Variants in ANGPT2 observed in about 807,000 individuals in gnomAD.
ANGPT2 encodes angiopoietin-2.
ANGPT2 carries 28 observed loss-of-function variants against 62.9 expected under a neutral mutation model. The ratio of observed to expected loss-of-function variants is 0.44; its 90% confidence interval spans 0.33 to 0.61. ANGPT2 has a LOEUF of 0.61. Among genes scored for constraint, ANGPT2 ranks in the 20% least tolerant of loss-of-function variants. ANGPT2 has a pLI of 0.03. For missense variants in ANGPT2, 727 were observed against 594.9 expected, an observed-to-expected ratio of 1.22 and a Z score of -2.31; for synonymous variants, 284 against 207.8, an observed-to-expected ratio of 1.37 and a Z score of -3.15.
chr8:6,556,610 T>C (rs1008979637), intron 1 of ANGPT2, among the ~76,000 whole-genome samples: 8 of 144,736 alleles, frequency 5.5e-5, no homozygotes, highest in African/African-American at 2.3e-4. Flanking sequence ...TTGGGAATTG[T>C]CTTTTTTTAT....
chr8:6,556,964 A>G (rs1285065079), intron 1 of ANGPT2, among the ~76,000 whole-genome samples: 1 of 152,184 alleles, frequency 6.6e-6, no homozygotes, highest in Non-Finnish European at 1.5e-5. Flanking sequence ...AAGGCACTCG[A>G]TAAATATTTT....
chr8:6,510,126 G>A (rs578229304), intron 7 of ANGPT2, among the ~76,000 whole-genome samples: 7 of 151,900 alleles, frequency 4.6e-5, no homozygotes, highest in African/African-American at 1.2e-4. Context: ...TATAAGGGAA[G>A]GGAGAAGACA....
intron 1 of ANGPT2, among the ~76,000 whole-genome samples, chr8:6,556,132 C>G (rs1824572028): frequency 6.6e-6 from 1 of 152,098 alleles, no homozygotes; most frequent in Non-Finnish European, 1.5e-5. Flanking sequence ...AGTGACTTAA[C>G]TTCTCAGGCT....
chr8:6,529,983 A>G lies in ANGPT2; in HGVS notation c.445-2307T>C, dbSNP rs115098540. Among the ~76,000 whole-genome samples the G allele has an allele frequency of 7.8e-3, 1,180 of 152,080 alleles. 13 individuals are homozygous for G. Among genetic ancestry groups the G allele is most frequent in the African/African-American group, 0.027 (1,117 of 41,504 alleles). On this transcript the variant is annotated intron_variant, in intron 2 of 8. Coordinates refer to ENST00000629816, the MANE Select transcript of ANGPT2 (RefSeq NM_001118887.2). Reference sequence around the variant, plus strand: ...AAGGTTTGCATTGCTGCTCTGTCCTAACACTTTTTCATTACTATTATTATT... The same window carrying G: ...AAGGTTTGCATTGCTGCTCTGTCCTGACACTTTTTCATTACTATTATTATT...
In ANGPT2 at chr8:6,521,349, T is replaced by C; in HGVS notation, c.628A>G (p.Lys210Glu). The change falls in exon 4 of 9, where the codon AAA becomes GAA. Residue 210 changes from lysine to glutamate, a missense_variant. Physicochemically the swap from Lys to Glu is moderately conservative, Grantham distance 56 (BLOSUM62 1). Transcript: ENST00000629816. ...ACCTGTAGCTGATCTTTCTCTTCTTTTATTGACTGTAGTTGGATGATGTGC... is the reference window on the plus strand; with the variant it reads ...ACCTGTAGCTGATCTTTCTCTTCTTCTATTGACTGTAGTTGGATGATGTGC... ...DKHIIQLQSI[K>E]EEKDQLQVLV... 6.2e-7 allele frequency: 1 copy of C among 1,613,830 alleles called. No homozygotes were observed. The highest frequency in any genetic ancestry group is 8.5e-7 in the Non-Finnish European group (1 of 1,179,954).
intron 2 of ANGPT2, among the ~76,000 whole-genome samples, chr8:6,529,205 G>A (rs1312598568): frequency 6.6e-6 from 1 of 152,170 alleles, no homozygotes; most frequent in Non-Finnish European, 1.5e-5. Flanking sequence ...GCAGGGGACT[G>A]TAAATTACCC....
intron 5 of ANGPT2, among the ~76,000 whole-genome samples, chr8:6,517,762 T>C (rs926010009): frequency 6.6e-6 from 1 of 152,172 alleles, no homozygotes; most frequent in African/African-American, 2.4e-5. Context: ...AAAGGTTAAA[T>C]GACTCGCCCA....
intron 1 of ANGPT2, among the ~76,000 whole-genome samples, chr8:6,560,851 G>A (rs969286854): frequency 6.6e-6 from 1 of 152,238 alleles, no homozygotes. Flanking sequence ...TATACCTAAT[G>A]TAAGTTAATT....
At chr8:6,549,567 A>C (rs1457365634) in intron 1 of ANGPT2, among the ~76,000 whole-genome samples, 1 of 151,620 alleles carries the variant, frequency 6.6e-6, no homozygotes, top group Non-Finnish European at 1.5e-5. Flanking sequence ...GGCGTGAGGG[A>C]GCCGCGTGCA....
intron 1 of ANGPT2, 125 bp downstream of exon 1, chr8:6,562,522 T>C: frequency 1.2e-6 from 1 of 826,646 alleles, no homozygotes; most frequent in Non-Finnish European, 1.7e-6. Flanking sequence ...AGCAACCCGC[T>C]CTCCAGCTCT....
At chr8:6,523,790 T>G (rs1817817020) in intron 3 of ANGPT2, among the ~76,000 whole-genome samples, 1 of 152,166 alleles carries the variant, frequency 6.6e-6, no homozygotes, top group Non-Finnish European at 1.5e-5. Context: ...GGTTTCATTA[T>G]GTTGTCCAGG....
intron 1 of ANGPT2, among the ~76,000 whole-genome samples, chr8:6,559,230 AACACAC>A (rs59299448): frequency 0.1 from 15,284 of 146,768 alleles, 2,287 homozygotes; most frequent in African/African-American, 0.34. Context: ...CACACACGAC[AACACAC>A]ACACACACAC....
chr8:6,562,599 G>A (rs953063385), intron 1 of ANGPT2, 48 bp downstream of exon 1: 1 of 575,224 alleles, frequency 1.7e-6, no homozygotes. Flanking sequence ...CTGCTGCCAA[G>A]CTGATCTTAA....
intron 1 of ANGPT2, among the ~76,000 whole-genome samples, chr8:6,559,834 A>C (rs1290569292): frequency 6.6e-6 from 1 of 151,748 alleles, no homozygotes; most frequent in Non-Finnish European, 1.5e-5. Context: ...GGTCCACTGC[A>C]GTGTGTTTTG....
chr8:6,509,774 T>C (rs550543113), intron 7 of ANGPT2, among the ~76,000 whole-genome samples: 10 of 152,334 alleles, frequency 6.6e-5, no homozygotes, highest in Admixed American at 1.3e-4. Context: ...CATCATAGCT[T>C]AGCTCTAGCC....
Position 6,502,481 on chromosome 8 carries a change from C to T in ANGPT2, c.*620G>A, listed in dbSNP as rs543507839. The T allele has an allele frequency of 6.6e-6, 1 of 152,256 alleles. No homozygotes were observed. The highest frequency in any genetic ancestry group is 1.5e-5 in the Non-Finnish European group (1 of 68,022). 9.4% of individuals were successfully genotyped at this position (152,256 alleles called of 1,614,324 possible). ...GAGCATTAACTTATAACTAAGCTGT[C>T]AACATAAATGTAAATACGCTGTTTT... On this transcript the variant is annotated 3_prime_UTR_variant, in exon 9 of 9. Coordinates refer to ENST00000629816, the MANE Select transcript of ANGPT2 (RefSeq NM_001118887.2).
intron 2 of ANGPT2, among the ~76,000 whole-genome samples, chr8:6,527,924 C>A (rs144957066): frequency 0.011 from 961 of 88,878 alleles, 11 homozygotes; most frequent in African/African-American, 0.026. Context: ...GAGATGGAAT[C>A]TCGCTCCATT....
chr8:6,508,828 T>C (rs1023730593), intron 8 of ANGPT2, 104 bp downstream of exon 8: 3 of 1,503,158 alleles, frequency 2.0e-6, no homozygotes, highest in Middle Eastern at 1.7e-4. Flanking sequence ...TATGAAATTG[T>C]GGACATCGTT....
rs865780761 is a variant in ANGPT2, at chr8:6,505,898, C to G, written c.1328-2637G>C. Among the ~76,000 whole-genome samples, 30 of 107,692 alleles carry G rather than the reference C, an allele frequency of 2.8e-4. 1 individual carries two copies. The highest frequency in any genetic ancestry group is 4.7e-4 in the Non-Finnish European group (27 of 56,902). The allele number at this position is 107,692 out of a possible 152,430, so 70.7% of individuals were successfully genotyped here. A position where few individuals can be genotyped will look rare whatever the true frequency, so the allele number is the denominator to read the frequency against. On this transcript the variant is annotated intron_variant, in intron 8 of 8. Transcript: ENST00000629816. ...TTCTTTATATATGTATATATAAAAA[C>G]ATACATATTCTTTATATATGTATAT...
Sources: allele counts gnomAD v4.1 joint callset (sites outside exome capture counted in the v4.1 genomes callset), GRCh38; gene constraint gnomAD v4.1.1; transcripts MANE v1.5; gene names NCBI Gene and HGNC (gene_info 2026-07-23, HGNC 2026-07-21).